The following MCC variants were observed in gnomAD, a reference collection of about 807,000 sequenced individuals.
MCC encodes colorectal mutant cancer protein.
In MCC, 90 loss-of-function variants were observed where a neutral mutation model predicts 116.2. The observed-to-expected ratio is 0.77, with a 90% CI of 0.65 to 0.92. The LOEUF is 0.92. MCC is among the 40% of genes least tolerant of loss of function. The probability of loss-of-function intolerance (pLI) is 0.00; values close to 1 mark genes in which losing one functional copy is unlikely to be tolerated. For missense variants in MCC, 1,516 were observed against 1,312.2 expected, an observed-to-expected ratio of 1.16 and a Z score of -2.40; for synonymous variants, 578 against 510.5, an observed-to-expected ratio of 1.13 and a Z score of -1.78.
rs189919263 is a variant in MCC, at chr5:113,183,047, G to A, written c.628-31625C>T. Among the ~76,000 whole-genome samples, 3 of 152,318 alleles carry A rather than the reference G, an allele frequency of 2.0e-5. No individual in the cohort carries two copies. In the East Asian group the frequency reaches 5.8e-4, roughly 29 times the overall value. On this transcript the variant is annotated intron_variant, in intron 3 of 18. Transcript: ENST00000408903. ...AGGGAGGAAGAATGAGAGCTGGGGA[G>A]GGTGTCCAGGTGGGCAGAGCACCTT...
Position 113,166,639 on chromosome 5 carries a change from C to T in MCC, c.628-15217G>A, listed in dbSNP as rs541953948. On this transcript the variant is annotated intron_variant, in intron 3 of 18. Transcript: ENST00000408903. Reference sequence around the variant, plus strand: ...GCAAACATCACTTGAGATGGATAAACAGGACTATAAGATCCCAAGACTCTG... The same window carrying T: ...GCAAACATCACTTGAGATGGATAAATAGGACTATAAGATCCCAAGACTCTG... Among the ~76,000 whole-genome samples, 14 of 145,126 alleles carry T rather than the reference C, an allele frequency of 9.6e-5. 1 individual carries two copies. Among genetic ancestry groups the T allele is most frequent in the South Asian group, 6.7e-4 (3 of 4,494 alleles).
intron 2 of MCC, among the ~76,000 whole-genome samples, chr5:113,368,568 T>TG (rs1768757842): frequency 6.6e-6 from 1 of 152,214 alleles, no homozygotes; most frequent in Non-Finnish European, 1.5e-5. Flanking sequence ...CTTTATTTCT[T>TG]ATTTTTTCCC....
intron 3 of MCC, among the ~76,000 whole-genome samples, chr5:113,180,719 C>T (rs1490569054): frequency 6.6e-6 from 1 of 152,106 alleles, no homozygotes; most frequent in Non-Finnish European, 1.5e-5. Flanking sequence ...TAAAAGAGAT[C>T]AATTTTTCCT....
intron 3 of MCC, among the ~76,000 whole-genome samples, chr5:113,320,411 T>A (rs1018379089): frequency 1.3e-5 from 2 of 150,052 alleles, no homozygotes; most frequent in South Asian, 4.2e-4. Context: ...GGTGATAACA[T>A]TGTACACAAG....
At chr5:113,320,603 C>G (rs1767401035) in intron 3 of MCC, among the ~76,000 whole-genome samples, 1 of 152,156 alleles carries the variant, frequency 6.6e-6, no homozygotes, top group Non-Finnish European at 1.5e-5. Flanking sequence ...GGAAAGCATA[C>G]TACTTATCTC....
In MCC at chr5:113,231,701, A is replaced by AGAT. The variant is rs370889773; in HGVS notation, c.628-80282_628-80280dup. Among the ~76,000 whole-genome samples, 19 of 152,344 alleles carry AGAT rather than the reference A, an allele frequency of 1.2e-4. No homozygotes were observed. In the East Asian group the frequency reaches 3.3e-3, roughly 26 times the overall value. On this transcript the variant is annotated intron_variant, in intron 3 of 18. Coordinates refer to ENST00000408903, the MANE Select transcript of MCC (RefSeq NM_001085377.2). Reference sequence around the variant, plus strand: ...ATGAAAGTTACAAGTCATGTCTCTAAGATAGTCGTGATTACCAATTTGCCA... The same window carrying AGAT: ...ATGAAAGTTACAAGTCATGTCTCTAAGATGATAGTCGTGATTACCAATTTGCCA...
intron 3 of MCC, among the ~76,000 whole-genome samples, chr5:113,253,730 T>C (rs1394413459): frequency 1.3e-5 from 2 of 151,872 alleles, no homozygotes; most frequent in African/African-American, 4.8e-5. Flanking sequence ...AAGACAGAGA[T>C]CATAACTCAT....
intron 3 of MCC, among the ~76,000 whole-genome samples, chr5:113,195,195 C>T (rs770256701): frequency 6.6e-5 from 10 of 152,312 alleles, no homozygotes; most frequent in Non-Finnish European, 1.3e-4. Flanking sequence ...GTGAGGGGGT[C>T]GATCAATATC....
At chr5:113,117,474 C>A (rs866349553) in intron 6 of MCC, among the ~76,000 whole-genome samples, 1 of 152,164 alleles carries the variant, frequency 6.6e-6, no homozygotes, top group Non-Finnish European at 1.5e-5. Context: ...AGGGTATAAA[C>A]CTCAACCCTC....
intron 3 of MCC, among the ~76,000 whole-genome samples, chr5:113,323,921 T>C (rs1383729198): frequency 6.6e-6 from 1 of 152,216 alleles, no homozygotes; most frequent in African/African-American, 2.4e-5. Context: ...ACTTGGGCTG[T>C]AGTGTGGAAA....
At chr5:113,034,836 A>T (rs878075) in intron 17 of MCC, among the ~76,000 whole-genome samples, 1 of 152,214 alleles carries the variant, frequency 6.6e-6, no homozygotes, top group African/African-American at 2.4e-5. Context: ...CAGGGCTGAC[A>T]GCCTCTTTGC....
intron 1 of MCC, among the ~76,000 whole-genome samples, chr5:113,431,729 C>A (rs1312297158): frequency 7.1e-6 from 1 of 141,468 alleles, no homozygotes; most frequent in Non-Finnish European, 1.5e-5. Context: ...GGCGCGGTGG[C>A]TCACGCCTGT....
At chr5:113,080,532 TC>T (rs1754778052) in intron 11 of MCC, among the ~76,000 whole-genome samples, 1 of 152,080 alleles carries the variant, frequency 6.6e-6, no homozygotes, top group Non-Finnish European at 1.5e-5. Flanking sequence ...AAACCATCAT[TC>T]TCAGCAAACT....
intron 3 of MCC, among the ~76,000 whole-genome samples, chr5:113,311,895 C>T (rs1433191884): frequency 6.6e-6 from 1 of 152,152 alleles, no homozygotes; most frequent in Non-Finnish European, 1.5e-5. Context: ...ATCACAAGGT[C>T]AGGAGTTAGA....
chr5:113,159,549 A>G (rs1447008806), intron 3 of MCC, among the ~76,000 whole-genome samples: 1 of 152,170 alleles, frequency 6.6e-6, no homozygotes, highest in East Asian at 1.9e-4. Flanking sequence ...CTCTCTCCCA[A>G]TGGCAATCCA....
intron 3 of MCC, among the ~76,000 whole-genome samples, chr5:113,178,471 G>A (rs762408288): frequency 7.9e-5 from 12 of 152,150 alleles, no homozygotes; most frequent in Non-Finnish European, 1.3e-4. Context: ...ATTTATTTAT[G>A]AGGGATATAT....
chr5:113,038,959 G>C (rs1216745537), intron 17 of MCC, among the ~76,000 whole-genome samples: 1 of 152,150 alleles, frequency 6.6e-6, no homozygotes, highest in African/African-American at 2.4e-5. Flanking sequence ...GTTCCCTGGA[G>C]GGCTGGGCAC....
At chr5:113,302,014 A>G (rs1766874899) in intron 3 of MCC, among the ~76,000 whole-genome samples, 2 of 152,262 alleles carry the variant, frequency 1.3e-5, no homozygotes, top group Non-Finnish European at 2.9e-5. Flanking sequence ...TAGGTAACCT[A>G]AAAAGTAAAA....
At chr5:113,311,916 G>T (rs1767143547) in intron 3 of MCC, among the ~76,000 whole-genome samples, 1 of 152,154 alleles carries the variant, frequency 6.6e-6, no homozygotes, top group Admixed American at 6.5e-5. Context: ...GAACAGCCTG[G>T]CCAATATGGT....
Sources: allele counts gnomAD v4.1 joint callset (sites outside exome capture counted in the v4.1 genomes callset), GRCh38; gene constraint gnomAD v4.1.1; transcripts MANE v1.5; gene names NCBI Gene and HGNC (gene_info 2026-07-23, HGNC 2026-07-21).